The following BICRAL variants were observed in gnomAD, a reference collection of about 807,000 sequenced individuals.
BICRAL encodes the protein BRD4-interacting chromatin-remodeling complex-associated protein-like.
In BICRAL, 8 loss-of-function variants were observed where a neutral mutation model predicts 91.8. The observed-to-expected ratio is 0.09, with a 90% CI of 0.05 to 0.16. The LOEUF (loss-of-function observed/expected upper bound fraction) is 0.16, where lower values mean the gene tolerates loss of function less well. BICRAL is among the 10% of genes least tolerant of loss of function. BICRAL has a pLI of 1.00. For synonymous variants in BICRAL, 445 were observed against 491.1 expected (o/e 0.91, Z 1.24); for missense variants, 1,038 against 1,310.9 (o/e 0.79, Z 3.21).
At position 42,829,486 on chromosome 6, in the gene BICRAL, ATTG is replaced by A. The variant is rs771532129; in HGVS notation, c.1156_1158del (p.Val386del). The A allele has an allele frequency of 2.5e-6, 4 of 1,614,012 alleles. No homozygotes were observed. The East Asian group carries it at 6.7e-5, about 27-fold the overall frequency. On this transcript the variant is annotated inframe_deletion, in exon 6 of 13. Transcript: ENST00000314073. ...GGCAGTGAGCAGCACTGGGGGCAGTATTGTTATTCATTCCCCCATGGGCCAACC... is the reference window on the plus strand; with the variant it reads ...GGCAGTGAGCAGCACTGGGGGCAGTATTATTCATTCCCCCATGGGCCAACC...
At chr6:42,848,192 C>A (rs2114005750) in intron 6 of BICRAL, among the ~76,000 whole-genome samples, 1 of 151,362 alleles carries the variant, frequency 6.6e-6, no homozygotes, top group Admixed American at 6.6e-5. Flanking sequence ...GCAGAGGTTG[C>A]AGTGAGCCAA....
chr6:42,831,894 A>G (rs936842531), intron 6 of BICRAL, among the ~76,000 whole-genome samples: 2 of 151,862 alleles, frequency 1.3e-5, no homozygotes, highest in African/African-American at 2.4e-5. Context: ...GCAAGCCACC[A>G]TGCCCAACTA....
chr6:42,764,861 G>A (rs375890034), intron 1 of BICRAL, among the ~76,000 whole-genome samples: 171 of 152,144 alleles, frequency 1.1e-3, no homozygotes, highest in African/African-American at 3.8e-3. Context: ...GGATTTTACC[G>A]TATTAGCCAG....
chr6:42,817,379 T>G (rs1764023145), intron 2 of BICRAL, among the ~76,000 whole-genome samples: 1 of 152,152 alleles, frequency 6.6e-6, no homozygotes, highest in African/African-American at 2.4e-5. Flanking sequence ...CATGGACATT[T>G]AGGGTTTTTA....
chr6:42,748,406 C>T (rs572001658), intron 1 of BICRAL, among the ~76,000 whole-genome samples: 13 of 152,180 alleles, frequency 8.5e-5, no homozygotes, highest in African/African-American at 3.1e-4. Context: ...GATAACATTT[C>T]GGTATTAGGC....
intron 1 of BICRAL, among the ~76,000 whole-genome samples, chr6:42,802,432 TTGTTGTTGTTG>T (rs1763603660): frequency 2.7e-5 from 2 of 73,420 alleles, no homozygotes; most frequent in African/African-American, 8.5e-5. Context: ...TTTTTTTTTG[TTGTTGTTGTTG>T]TTGTTGTTGT....
chr6:42,796,424 A>G (rs1337644338), intron 1 of BICRAL, among the ~76,000 whole-genome samples: 1 of 152,196 alleles, frequency 6.6e-6, no homozygotes, highest in Non-Finnish European at 1.5e-5. Flanking sequence ...GCTAGAATCA[A>G]AAGGGATCAG....
At chr6:42,759,043 C>T (rs533815829) in intron 1 of BICRAL, among the ~76,000 whole-genome samples, 4 of 152,212 alleles carry the variant, frequency 2.6e-5, no homozygotes, top group Non-Finnish European at 5.9e-5. Flanking sequence ...TTACAGCATC[C>T]TAATGCCCCT....
chr6:42,780,324 CA>C (rs1264844778), upstream of BICRAL, among the ~76,000 whole-genome samples: 1 of 152,022 alleles, frequency 6.6e-6, no homozygotes, highest in Admixed American at 6.6e-5. Context: ...ACTACCATTA[CA>C]TTTTTTTTTA....
chr6:42,847,518 C>T (rs1462041956), intron 6 of BICRAL, among the ~76,000 whole-genome samples: 1 of 152,134 alleles, frequency 6.6e-6, no homozygotes, highest in African/African-American at 2.4e-5. Context: ...TGGCTCACGC[C>T]TATAATCCCA....
At chr6:42,857,614 A>AAAAAAAAAAAAATATATATAT in intron 10 of BICRAL, among the ~76,000 whole-genome samples, 1 of 96,242 alleles carries the variant, frequency 1.0e-5, no homozygotes, top group African/African-American at 6.5e-5. Context: ...AAAAAAAAAA[A>AAAAAAAAAAAAATATATATAT]ATATATATAT....
intron 2 of BICRAL, among the ~76,000 whole-genome samples, chr6:42,817,875 C>T (rs1409544590): frequency 6.7e-6 from 1 of 149,552 alleles, no homozygotes. Context: ...TATGGTGGCA[C>T]ATACCTGTAG....
chr6:42,807,318 C>T (rs967017191), intron 1 of BICRAL, among the ~76,000 whole-genome samples: 1 of 151,366 alleles, frequency 6.6e-6, no homozygotes, highest in Non-Finnish European at 1.5e-5. Context: ...CGAGTAGCTG[C>T]GACTACAGGC....
In BICRAL at chr6:42,819,214, G is replaced by A. The variant is rs115242655; in HGVS notation, c.-5-2804G>A. Reference sequence around the variant, plus strand: ...ATGGAGAATCTTTCCAGAGAAAACAGAATTCTTCACTTTTAGGTCATTAGT... The same window carrying A: ...ATGGAGAATCTTTCCAGAGAAAACAAAATTCTTCACTTTTAGGTCATTAGT... On this transcript the variant is annotated intron_variant, in intron 2 of 12. Transcript: ENST00000314073. Among the ~76,000 whole-genome samples the A allele has an allele frequency of 7.1e-3, 1,083 of 152,288 alleles. 5 individuals are homozygous for A. Among genetic ancestry groups the A allele is most frequent in the African/African-American group, 0.023 (956 of 41,552 alleles).
chr6:42,819,936 C>CA (rs928270838), intron 2 of BICRAL, among the ~76,000 whole-genome samples: 1 of 152,140 alleles, frequency 6.6e-6, no homozygotes, highest in African/African-American at 2.4e-5. Context: ...TCTTTCAAGC[C>CA]AAGTGTTTGA....
chr6:42,790,065 GGC>G (rs1482278199), intron 1 of BICRAL, among the ~76,000 whole-genome samples: 12 of 152,150 alleles, frequency 7.9e-5, no homozygotes, highest in Non-Finnish European at 1.2e-4. Context: ...TTGAATGTGT[GGC>G]GGCTTATAGC....
chr6:42,863,380 CAAGCCTG>C (rs140491922), intron 12 of BICRAL, among the ~76,000 whole-genome samples: 12,951 of 152,176 alleles, frequency 0.085, 781 homozygotes, highest in South Asian at 0.16. Flanking sequence ...TCTGCCTCCT[CAAGCCTG>C]GTGCAGTTCA....
intron 1 of BICRAL, among the ~76,000 whole-genome samples, chr6:42,782,327 GT>G (rs1290370929): frequency 1.4e-3 from 84 of 59,550 alleles, no homozygotes; most frequent in African/African-American, 3.6e-3. Flanking sequence ...CTAAGGCTGT[GT>G]TTTTTTTTTT....
At chr6:42,852,280 G>A (rs746121841) in intron 7 of BICRAL, 83 bp downstream of exon 7, 4 of 818,090 alleles carry the variant, frequency 4.9e-6, no homozygotes, top group South Asian at 2.8e-5. Flanking sequence ...CTGCACGAAA[G>A]CTTTCTGGCT....
Sources: gnomAD v4.1 joint callset for allele counts (sites outside exome capture counted in the v4.1 genomes callset) on GRCh38, gnomAD v4.1.1 for gene constraint, MANE v1.5 for transcripts, NCBI Gene and HGNC (gene_info 2026-07-23, HGNC 2026-07-21) for gene names.